Variants in FRMD4A observed in about 807,000 individuals in gnomAD.
The protein encoded by FRMD4A is FERM domain-containing protein 4A.
In FRMD4A, 29 loss-of-function variants were observed where a neutral mutation model predicts 129.1. That is an observed-to-expected ratio of 0.22 (90% CI 0.17 to 0.31). The LOEUF (loss-of-function observed/expected upper bound fraction) is 0.31. Among genes scored for constraint, FRMD4A ranks in the 10% least tolerant of loss-of-function variants. The pLI is 1.00. For synonymous variants in FRMD4A, 634 were observed against 571.6 expected (o/e 1.11, Z -1.56); for missense variants, 1,272 against 1,375.8 (o/e 0.92, Z 1.19).
intron 9 of FRMD4A, among the ~76,000 whole-genome samples, chr10:13,742,356 G>GT (rs1270234000): frequency 6.6e-6 from 1 of 152,150 alleles, no homozygotes; most frequent in East Asian, 1.9e-4. Flanking sequence ...CTGCTGAGGT[G>GT]TGGAGTCGAC....
At chr10:13,921,156 C>A (rs1475888198) in intron 2 of FRMD4A, among the ~76,000 whole-genome samples, 1 of 152,196 alleles carries the variant, frequency 6.6e-6, no homozygotes, top group Non-Finnish European at 1.5e-5. Flanking sequence ...TGGCTGTGTG[C>A]TTACATGGTA....
chr10:14,319,453 G>T (rs1846890929), intron 2 of FRMD4A, among the ~76,000 whole-genome samples: 1 of 150,088 alleles, frequency 6.7e-6, no homozygotes, highest in Non-Finnish European at 1.5e-5. Flanking sequence ...TCCTAGTTCG[G>T]CCATGCCTAC....
intron 2 of FRMD4A, among the ~76,000 whole-genome samples, chr10:14,271,697 C>G (rs1268291741): frequency 6.6e-6 from 1 of 152,212 alleles, no homozygotes; most frequent in Non-Finnish European, 1.5e-5. Context: ...TCTGGGATAA[C>G]TTTGCATTAA....
chr10:13,827,165 T>G (rs905031866), intron 3 of FRMD4A, among the ~76,000 whole-genome samples: 1 of 152,050 alleles, frequency 6.6e-6, no homozygotes, highest in Admixed American at 6.5e-5. Flanking sequence ...TGGAGGGAGA[T>G]CTCGCGAGGT....
Position 14,185,500 on chromosome 10 carries a change from C to T in FRMD4A, c.45+144558G>A, listed in dbSNP as rs545799640. 6.9e-4 allele frequency among the ~76,000 whole-genome samples: 105 copies of T among 152,230 alleles called. No homozygotes were observed. The Middle Eastern group carries it at 0.01, about 15-fold the overall frequency. Reference sequence around the variant, plus strand: ...CAACATTTTGTAATTTTTCTAACTTCAAGTATTTTTTGGAGGTTTGTTGTA... The same window carrying T: ...CAACATTTTGTAATTTTTCTAACTTTAAGTATTTTTTGGAGGTTTGTTGTA... On this transcript the variant is annotated intron_variant, in intron 2 of 24. Coordinates refer to ENST00000357447, the MANE Select transcript of FRMD4A (RefSeq NM_018027.5).
rs60196881 is a variant in FRMD4A, at chr10:14,184,298, A to ATTTTTT, written c.45+145754_45+145759dup. The stretch of plus-strand genomic sequence containing the variant: ...AGGTGCATACCACCACAACCGGTTA[A>ATTTTTT]TTTTTTTTTTTTTTTTAGTAGAGAT... On this transcript the variant is annotated intron_variant, in intron 2 of 24. Transcript: ENST00000357447. Among the ~76,000 whole-genome samples, 7 of 104,908 alleles carry ATTTTTT rather than the reference A, an allele frequency of 6.7e-5. 1 individual carries two copies. Among genetic ancestry groups the ATTTTTT allele is most frequent in the South Asian group, 3.5e-4 (1 of 2,884 alleles). 68.8% of individuals were successfully genotyped at this position (104,908 alleles called of 152,430 possible).
intron 2 of FRMD4A, among the ~76,000 whole-genome samples, chr10:14,010,664 C>CTTTTTTGTTTTTTTTTTTTTTTT (rs2095678787): frequency 2.6e-5 from 2 of 76,418 alleles, no homozygotes; most frequent in African/African-American, 4.4e-5. Context: ...GAGTTTAGGT[C>CTTTTTTGTTTTTTTTTTTTTTTT]TTTTTTTTTT....
Position 13,660,376 on chromosome 10 carries a change from T to C in FRMD4A, c.1838A>G (p.Glu613Gly). The change falls in exon 20 of 25, where the codon GAG becomes GGG. Residue 613 changes from glutamate to glycine, a missense_variant. By Grantham distance (98) the Glu-to-Gly change is moderately conservative (BLOSUM62 -2). Coordinates refer to ENST00000357447, the MANE Select transcript of FRMD4A (RefSeq NM_018027.5). ...CTCATAGGGTTCATCTAAAGAGGACTCACTCCACATTTTGGGCTTGATGGG... is the reference window on the plus strand; with the variant it reads ...CTCATAGGGTTCATCTAAAGAGGACCCACTCCACATTTTGGGCTTGATGGG... The part of the protein sequence containing the change: ...KSPIKPKMWS[E>G]SSLDEPYEKV... 1 of 1,614,170 alleles carries C rather than the reference T, an allele frequency of 6.2e-7. No homozygotes were observed.
intron 2 of FRMD4A, among the ~76,000 whole-genome samples, chr10:14,154,692 A>G (rs1313930380): frequency 6.6e-6 from 1 of 152,192 alleles, no homozygotes; most frequent in African/African-American, 2.4e-5. Flanking sequence ...TTTAGCATGA[A>G]TATGTTTCTG....
At chr10:13,790,863 A>C (rs1249150382) in intron 5 of FRMD4A, among the ~76,000 whole-genome samples, 3 of 151,982 alleles carry the variant, frequency 2.0e-5, no homozygotes, top group Admixed American at 6.6e-5. Flanking sequence ...ATCACAGAGG[A>C]CGTTTTCTTC....
At chr10:13,718,758 A>C (rs2089125361) in intron 12 of FRMD4A, among the ~76,000 whole-genome samples, 1 of 152,210 alleles carries the variant, frequency 6.6e-6, no homozygotes, top group Admixed American at 6.5e-5. Flanking sequence ...CACCAGGGCT[A>C]TCCCAAGCCT....
chr10:13,896,644 C>A (rs1003920052), intron 2 of FRMD4A, among the ~76,000 whole-genome samples: 3 of 151,546 alleles, frequency 2.0e-5, no homozygotes, highest in Non-Finnish European at 2.9e-5. Flanking sequence ...ATGTAACAAA[C>A]CTGCAAGTTC....
rs56161216 is a variant in FRMD4A at position 13,646,798 on chromosome 10, A to G, written c.*240T>C. 0.048 allele frequency: 7,353 copies of G among 153,940 alleles called. 500 individuals are homozygous for G. Among genetic ancestry groups the G allele is most frequent in the African/African-American group, 0.15 (6,027 of 41,498 alleles). 9.5% of individuals were successfully genotyped at this position (153,940 alleles called of 1,614,324 possible). ...TCAGTCAGGTTTTCAAGGGGGAGGGAATGCGGAGACAGGAGAAAAAAAGTG... is the reference window on the plus strand; with the variant it reads ...TCAGTCAGGTTTTCAAGGGGGAGGGGATGCGGAGACAGGAGAAAAAAAGTG... On this transcript the variant is annotated 3_prime_UTR_variant, in exon 25 of 25. Coordinates refer to ENST00000357447, the MANE Select transcript of FRMD4A (RefSeq NM_018027.5).
intron 16 of FRMD4A, 41 bp from the exon 17 acceptor site, chr10:13,670,569 A>G (rs2083430315): frequency 6.2e-7 from 1 of 1,604,148 alleles, no homozygotes; most frequent in South Asian, 1.1e-5. Context: ...CACAAATCAG[A>G]GTGGGGCGTG....
At chr10:13,681,661 G>T (rs992771427) in intron 15 of FRMD4A, among the ~76,000 whole-genome samples, 5 of 152,148 alleles carry the variant, frequency 3.3e-5, no homozygotes, top group Non-Finnish European at 7.3e-5. Flanking sequence ...GACACAAACT[G>T]TTATGTAGCT....
At chr10:14,295,761 C>T (rs1845988626) in intron 2 of FRMD4A, among the ~76,000 whole-genome samples, 1 of 152,124 alleles carries the variant, frequency 6.6e-6, no homozygotes, top group Admixed American at 6.6e-5. Flanking sequence ...GTTTAATTCA[C>T]ATCTTAAAGA....
chr10:14,191,204 C>A (rs1028681368), intron 2 of FRMD4A, among the ~76,000 whole-genome samples: 3 of 152,150 alleles, frequency 2.0e-5, no homozygotes, highest in African/African-American at 7.2e-5. Context: ...TGTGTGTTAT[C>A]CTCTAAGCCC....
chr10:14,060,216 A>G (rs1387072341), intron 2 of FRMD4A, among the ~76,000 whole-genome samples: 2 of 152,212 alleles, frequency 1.3e-5, no homozygotes, highest in Non-Finnish European at 2.9e-5. Context: ...ACTACATTTC[A>G]TAAGAAGGAT....
intron 2 of FRMD4A, among the ~76,000 whole-genome samples, chr10:14,048,410 A>C (rs1400214394): frequency 6.6e-6 from 1 of 152,218 alleles, no homozygotes; most frequent in Non-Finnish European, 1.5e-5. Flanking sequence ...ACTACATTAC[A>C]ACATTATGCC....
Sources: allele counts gnomAD v4.1 joint callset (sites outside exome capture counted in the v4.1 genomes callset), GRCh38; gene constraint gnomAD v4.1.1; transcripts MANE v1.5; gene names NCBI Gene and HGNC (gene_info 2026-07-23, HGNC 2026-07-21).